The following CSDC2 variants were observed in gnomAD, a reference collection of about 807,000 sequenced individuals.
The protein encoded by CSDC2 is cold shock domain containing C2, also known as cold shock domain-containing protein C2.
Under a neutral mutation model 15.8 loss-of-function variants are expected in CSDC2, and 8 were observed. The ratio of observed to expected loss-of-function variants is 0.51; its 90% CI spans 0.30 to 0.92. The LOEUF (loss-of-function observed/expected upper bound fraction) is 0.92. CSDC2 is among the 40% of genes least tolerant of loss of function. The probability of loss-of-function intolerance (pLI) is 0.07; values close to 1 mark genes in which losing one functional copy is unlikely to be tolerated. For missense variants in CSDC2, 195 were observed against 213.3 expected, an observed-to-expected ratio of 0.91 and a Z score of 0.53; for synonymous variants, 96 against 92.3, an observed-to-expected ratio of 1.04 and a Z score of -0.23.
intron 1 of CSDC2, among the ~76,000 whole-genome samples, chr22:41,570,960 C>T (rs2067142415): frequency 7.0e-6 from 1 of 143,654 alleles, no homozygotes; most frequent in Non-Finnish European, 1.5e-5. Flanking sequence ...CAGTGTTCCC[C>T]AGACTGGATG....
chr22:41,574,680 G>C, intron 3 of CSDC2, 53 bp from the exon 4 acceptor site: 1 of 1,593,092 alleles, frequency 6.3e-7, no homozygotes, highest in Non-Finnish European at 8.6e-7. Flanking sequence ...CCACAGGATT[G>C]TCTGGGGCAC....
At chr22:41,562,136 G>C (rs1323961458) in intron 1 of CSDC2, among the ~76,000 whole-genome samples, 1 of 152,110 alleles carries the variant, frequency 6.6e-6, no homozygotes, top group Non-Finnish European at 1.5e-5. Flanking sequence ...TATGCCCAGT[G>C]GGGGGTGGGC....
At chr22:41,566,378 A>G (rs2067114330) in intron 1 of CSDC2, among the ~76,000 whole-genome samples, 1 of 141,768 alleles carries the variant, frequency 7.1e-6, no homozygotes, top group Admixed American at 7.3e-5. Flanking sequence ...CCACAGGCAG[A>G]GGTTGCAGTG....
In CSDC2 at chr22:41,568,134, C is replaced by CTTTTTTTTTTTTTTTTT. The variant is rs66884544; in HGVS notation, c.-123-3701_-123-3700insTTTTTTTTTTTTTTTTT. Among the ~76,000 whole-genome samples, 229 of 109,524 alleles carry CTTTTTTTTTTTTTTTTT rather than the reference C, an allele frequency of 2.1e-3. 17 individuals carry two copies. The highest frequency in any genetic ancestry group is 6.8e-3 in the African/African-American group (193 of 28,474). The allele number at this position is 109,524 out of a possible 152,430, so 71.9% of individuals were successfully genotyped here. ...GAGTCTTTTTTTTCTCTCTCCCTCT[C>CTTTTTTTTTTTTTTTTT]TTTTTTTTGAGACTGGGTCTTGCTC... On this transcript the variant is annotated intron_variant, in intron 1 of 3. Coordinates refer to ENST00000306149, the MANE Select transcript of CSDC2 (RefSeq NM_014460.4).
Position 41,575,249 on chromosome 22 carries a change from T to G in CSDC2, c.*354T>G, listed in dbSNP as rs2067169359. On this transcript the variant is annotated 3_prime_UTR_variant, in exon 4 of 4. Transcript: ENST00000306149. ...TGAGCTGCGAGAGCCTGCGCTGGGC[T>G]CACTCCCTGGCCTCCGCCCCTGAGC... 3.1e-6 allele frequency: 1 copy of G among 327,688 alleles called. No homozygotes were observed. The highest frequency in any genetic ancestry group is 5.8e-6 in the Non-Finnish European group (1 of 173,440). The allele number at this position is 327,688 out of a possible 1,614,324, so 20.3% of individuals were successfully genotyped here. A position where few individuals can be genotyped will look rare whatever the true frequency, so the allele number is the denominator to read the frequency against.
At chr22:41,561,557 T>C (rs112382286) in intron 1 of CSDC2, among the ~76,000 whole-genome samples, 13 of 152,330 alleles carry the variant, frequency 8.5e-5, no homozygotes, top group African/African-American at 2.4e-4. Context: ...TTCCAGTTGC[T>C]GAAAGCAGAG....
At chr22:41,572,968 T>A (rs561187479) in intron 2 of CSDC2, among the ~76,000 whole-genome samples, 1 of 152,262 alleles carries the variant, frequency 6.6e-6, no homozygotes, top group Admixed American at 6.5e-5. Context: ...CTCAACTTCC[T>A]GGCCTTCAGC....
At chr22:41,573,463 G>A (rs545540634) in intron 2 of CSDC2, among the ~76,000 whole-genome samples, 192 bp from the exon 3 acceptor site, 28 of 152,190 alleles carry the variant, frequency 1.8e-4, no homozygotes, top group African/African-American at 6.5e-4. Flanking sequence ...CTCCCAAAGT[G>A]CTGGGATTAC....
At chr22:41,562,672 C>T (rs961842459) in intron 1 of CSDC2, among the ~76,000 whole-genome samples, 1 of 152,170 alleles carries the variant, frequency 6.6e-6, no homozygotes, top group African/African-American at 2.4e-5. Flanking sequence ...CAGTCATGTC[C>T]ACGGTCACAA....
chr22:41,561,636 A>C (rs2067085788), intron 1 of CSDC2, among the ~76,000 whole-genome samples: 1 of 152,174 alleles, frequency 6.6e-6, no homozygotes, highest in African/African-American at 2.4e-5. Flanking sequence ...TGGGAAAGGC[A>C]GACAGTTGGA....
rs1264814888 is a variant in CSDC2, at chr22:41,570,003, C to T, written c.-123-1840C>T. On this transcript the variant is annotated intron_variant, in intron 1 of 3. Coordinates refer to ENST00000306149, the MANE Select transcript of CSDC2 (RefSeq NM_014460.4). ...CCATGTTGGCCAGGCTGGTCTCGAA[C>T]TCCTGACCTCAAGTGATCTGCCCAC... 5.3e-5 allele frequency among the ~76,000 whole-genome samples: 8 copies of T among 152,164 alleles called. No homozygotes were observed. In the East Asian group the frequency reaches 9.7e-4, roughly 18 times the overall value.
Position 41,574,748 on chromosome 22 carries a change from C to T in CSDC2, c.315C>T (p.Tyr105=), listed in dbSNP as rs200270408. Residue 105 remains tyrosine, a synonymous_variant, in exon 4 of 4, where the codon TAC becomes TAT. Coordinates refer to ENST00000306149, the MANE Select transcript of CSDC2 (RefSeq NM_014460.4). ...FVHVSDIEGE[Y]VPVEGDEVTY... ...TGCCCGCCAGCATCGAGGGGGAGTA[C>T]GTGCCAGTGGAGGGCGACGAGGTGA... is the stretch of plus-strand genomic sequence containing the variant. 81 of 1,613,756 alleles carry T rather than the reference C, an allele frequency of 5.0e-5. No individual in the cohort carries two copies. The East Asian group carries it at 8.9e-4, about 18-fold the overall frequency.
rs2067167471 is a variant in CSDC2, at chr22:41,574,926, G to C, written c.*31G>C. 6.4e-7 allele frequency: 1 copy of C among 1,556,670 alleles called. No homozygotes were observed. Among genetic ancestry groups the C allele is most frequent in the Non-Finnish European group, 8.7e-7 (1 of 1,150,966 alleles). ...GTGGTTCACAGGCCAGCTGGCCGGG[G>C]GTTGGGGAGCCACACAGGGTGAACG... is the stretch of plus-strand genomic sequence containing the variant. On this transcript the variant is annotated 3_prime_UTR_variant, in exon 4 of 4. Transcript: ENST00000306149.
chr22:41,563,712 C>A (rs2067099082), intron 1 of CSDC2, among the ~76,000 whole-genome samples: 1 of 152,052 alleles, frequency 6.6e-6, no homozygotes, highest in South Asian at 2.1e-4. Context: ...ATATGCTGCA[C>A]CTGACCTGCT....
At chr22:41,569,742 T>C (rs772453853) in intron 1 of CSDC2, among the ~76,000 whole-genome samples, 1 of 151,834 alleles carries the variant, frequency 6.6e-6, no homozygotes, top group Non-Finnish European at 1.5e-5. Flanking sequence ...GTGTGACCAT[T>C]CATGAACATT....
chr22:41,562,109 G>A (rs1288256989), intron 1 of CSDC2, among the ~76,000 whole-genome samples: 2 of 152,154 alleles, frequency 1.3e-5, no homozygotes, highest in African/African-American at 2.4e-5. Flanking sequence ...CTGGGGCTGG[G>A]GTAGGAGAGG....
intron 1 of CSDC2, among the ~76,000 whole-genome samples, chr22:41,562,646 C>T (rs2067093303): frequency 6.6e-6 from 1 of 152,130 alleles, no homozygotes; most frequent in Admixed American, 6.5e-5. Context: ...AGAGGGCGCT[C>T]AGGACCTGGC....
chr22:41,567,692 C>T (rs920576913), intron 1 of CSDC2, among the ~76,000 whole-genome samples: 3 of 152,260 alleles, frequency 2.0e-5, no homozygotes, highest in Non-Finnish European at 4.4e-5. Flanking sequence ...CACAGGACTC[C>T]TGCCTTCCCA....
At position 41,568,134 on chromosome 22, in the gene CSDC2, C is replaced by CTTTTTTTTTTTTTTTTTTT. The variant is rs66884544; in HGVS notation, c.-123-3701_-123-3700insTTTTTTTTTTTTTTTTTTT. ...GAGTCTTTTTTTTCTCTCTCCCTCT[C>CTTTTTTTTTTTTTTTTTTT]TTTTTTTTGAGACTGGGTCTTGCTC... On this transcript the variant is annotated intron_variant, in intron 1 of 3. Transcript: ENST00000306149. Among the ~76,000 whole-genome samples the CTTTTTTTTTTTTTTTTTTT allele has an allele frequency of 9.1e-5, 10 of 109,554 alleles. 1 individual carries two copies. Among genetic ancestry groups the CTTTTTTTTTTTTTTTTTTT allele is most frequent in the African/African-American group, 1.8e-4 (5 of 28,458 alleles). The allele number at this position is 109,554 out of a possible 152,430, so 71.9% of individuals were successfully genotyped here.
Sources: gnomAD v4.1 joint callset for allele counts (sites outside exome capture counted in the v4.1 genomes callset) on GRCh38, gnomAD v4.1.1 for gene constraint, MANE v1.5 for transcripts, NCBI Gene and HGNC (gene_info 2026-07-23, HGNC 2026-07-21) for gene names.